Variants in GSG1 observed in about 807,000 individuals in gnomAD.
GSG1 encodes germ cell-specific gene 1 protein.
In GSG1, 28 loss-of-function variants were observed where a neutral mutation model predicts 30.8. That is an observed-to-expected ratio of 0.91 (90% CI 0.67 to 1.25). The LOEUF (loss-of-function observed/expected upper bound fraction) is 1.25, where lower values mean the gene tolerates loss of function less well. Among genes scored for constraint, GSG1 ranks in the 50% most tolerant of loss-of-function variants. The pLI is 0.00. For synonymous variants in GSG1, 162 were observed against 178.0 expected, an observed-to-expected ratio of 0.91 and a Z score of 0.71; for missense variants, 435 against 444.7, an observed-to-expected ratio of 0.98 and a Z score of 0.20.
intron 1 of GSG1, among the ~76,000 whole-genome samples, chr12:13,091,532 T>C (rs981724543): frequency 6.6e-6 from 1 of 152,158 alleles, no homozygotes; most frequent in African/African-American, 2.4e-5. Context: ...AGTGAGACCC[T>C]GTCTCTACGG....
chr12:13,091,178 T>C (rs1365914191), intron 1 of GSG1, among the ~76,000 whole-genome samples: 1 of 152,210 alleles, frequency 6.6e-6, no homozygotes, highest in Non-Finnish European at 1.5e-5. Flanking sequence ...CCAGAGTCCC[T>C]TTCCCCAGAG....
In GSG1 at chr12:13,090,808, G is replaced by A. The variant is rs770721036; in HGVS notation, c.59C>T (p.Ser20Leu). ...NVCLTQEMEL[S>L]KAFSGQRTLL... ...TGTCCGCTGGCCAGAGAAGGCCTTC[G>A]AGAGCTCCATCTGTAATAGACAAGC... Residue 20 changes from serine to leucine, a missense_variant, in exon 2 of 7, where the codon TCG becomes TTG. Physicochemically the swap from Ser to Leu is moderately radical, Grantham distance 145. Coordinates refer to ENST00000651961, the MANE Select transcript of GSG1 (RefSeq NM_001080555.4). The A allele has an allele frequency of 5.6e-6, 9 of 1,610,204 alleles. No individual in the cohort carries two copies. The African/African-American group carries it at 6.7e-5, about 12-fold the overall frequency.
At chr12:13,092,789 C>T (rs1040429538) in intron 1 of GSG1, among the ~76,000 whole-genome samples, 6 of 144,602 alleles carry the variant, frequency 4.1e-5, no homozygotes, top group South Asian at 2.2e-4. Flanking sequence ...TAAACTTTTT[C>T]TTTTTTTTTT....
Position 13,084,254 on chromosome 12 carries a change from T to C in GSG1, c.*647A>G, listed in dbSNP as rs1189054747. ...GAAGGGAACCACAGTCCAATCTGAATAGCCTTGGTGGGCTATTTCTAGAAG... is the reference window on the plus strand; with the variant it reads ...GAAGGGAACCACAGTCCAATCTGAACAGCCTTGGTGGGCTATTTCTAGAAG... On this transcript the variant is annotated 3_prime_UTR_variant, in exon 7 of 7. Transcript: ENST00000651961. The C allele has an allele frequency of 6.6e-6, 1 of 152,270 alleles. No homozygotes were observed. The highest frequency in any genetic ancestry group is 1.9e-4 in the East Asian group (1 of 5,198). 9.4% of individuals were successfully genotyped at this position (152,270 alleles called of 1,614,324 possible).
chr12:13,103,295 G>A (rs1207212664), intron 1 of GSG1, among the ~76,000 whole-genome samples, 170 bp downstream of exon 1: 1 of 152,200 alleles, frequency 6.6e-6, no homozygotes, highest in Non-Finnish European at 1.5e-5. Flanking sequence ...ACTGGGCTGA[G>A]TGACACATTT....
intron 1 of GSG1, 106 bp downstream of exon 1, chr12:13,103,359 A>G: frequency 1.2e-6 from 1 of 858,510 alleles, no homozygotes; most frequent in Non-Finnish European, 2.0e-6. Flanking sequence ...TACTGTGACC[A>G]TGTGAAATAC....
intron 6 of GSG1, among the ~76,000 whole-genome samples, chr12:13,085,856 C>T (rs1865469659): frequency 6.6e-6 from 1 of 152,138 alleles, no homozygotes; most frequent in Non-Finnish European, 1.5e-5. Flanking sequence ...GAATTTGCTT[C>T]ATATGGAAAC....
In GSG1 at chr12:13,084,924, A is replaced by G; in HGVS notation, c.1066T>C (p.Ser356Pro). 3 of 1,551,092 alleles carry G rather than the reference A, an allele frequency of 1.9e-6. No homozygotes were observed. The highest frequency in any genetic ancestry group is 2.6e-6 in the Non-Finnish European group (3 of 1,146,614). Reference protein sequence around the residue: ...SQELKEAVRSSVEEEQC With the variant: ...SQELKEAVRSPVEEEQC ...TCCTAACACTGCTCTTCCTCTACAG[A>G]TGACCTAACTGCTTCTTTCAGCTCC... Residue 356 changes from serine to proline, a missense_variant, in exon 7 of 7, where the codon TCT becomes CCT. Transcript: ENST00000651961.
rs549082256 is a variant in GSG1 at position 13,095,519 on chromosome 12, C to T, written c.49-4701G>A. ...TAGGAAGGACAACAGATCGATGAGG[C>T]AGGTGCACTTCTTAAAAGAGCCAGG... On this transcript the variant is annotated intron_variant, in intron 1 of 6. Coordinates refer to ENST00000651961, the MANE Select transcript of GSG1 (RefSeq NM_001080555.4). 1.5e-5 allele frequency: 19 copies of T among 1,282,692 alleles called. No homozygotes were observed. The East Asian group carries it at 4.4e-4, about 30-fold the overall frequency. The allele number at this position is 1,282,692 out of a possible 1,614,324, so 79.5% of individuals were successfully genotyped here. A position where few individuals can be genotyped will look rare whatever the true frequency, so the allele number is the denominator to read the frequency against.
Position 13,087,221 on chromosome 12 carries a change from A to C in GSG1, c.677T>G (p.Phe226Cys). 1 of 1,614,124 alleles carries C rather than the reference A, an allele frequency of 6.2e-7. No individual in the cohort carries two copies. Among genetic ancestry groups the C allele is most frequent in the Non-Finnish European group, 8.5e-7 (1 of 1,179,958 alleles). ...TGGACCCAAGTTGACAGTCGCTTGG[A>C]AGACTTGTGAATACATCATGTGGGC... ...MVAHMMYSQV[F>C]QATVNLGPED... The change falls in exon 6 of 7, where the codon TTC (phenylalanine) becomes TGC (cysteine). Residue 226 changes from phenylalanine (F) to cysteine (C), a missense_variant. By Grantham distance (205) the Phe-to-Cys change is radical (BLOSUM62 -2). Transcript: ENST00000651961.
rs751015690 is a variant in GSG1 at position 13,084,887 on chromosome 12, A to G, written c.*14T>C. 2.0e-6 allele frequency: 3 copies of G among 1,521,276 alleles called. No homozygotes were observed. Among genetic ancestry groups the G allele is most frequent in the East Asian group, 2.5e-5 (1 of 40,598 alleles). 94.2% of individuals were successfully genotyped at this position (1,521,276 alleles called of 1,614,324 possible). The stretch of plus-strand genomic sequence containing the variant: ...AGGTAGGGCTCAAGCCTACTCCCCA[A>G]ACCCGCTTAACTCCTAACACTGCTC... On this transcript the variant is annotated 3_prime_UTR_variant, in exon 7 of 7. Transcript: ENST00000651961.
chr12:13,086,320 C>T (rs975322733), intron 6 of GSG1, among the ~76,000 whole-genome samples: 3 of 152,118 alleles, frequency 2.0e-5, no homozygotes, highest in African/African-American at 7.2e-5. Context: ...GACTCAGACT[C>T]CCAAATTATT....
intron 1 of GSG1, among the ~76,000 whole-genome samples, chr12:13,091,255 A>G (rs1482488839): frequency 6.6e-6 from 1 of 152,198 alleles, no homozygotes; most frequent in Non-Finnish European, 1.5e-5. Context: ...AACTGGCCCT[A>G]AAGAGGTTAT....
intron 4 of GSG1, among the ~76,000 whole-genome samples, chr12:13,088,433 T>C (rs1449054432): frequency 6.6e-6 from 1 of 152,222 alleles, no homozygotes; most frequent in Non-Finnish European, 1.5e-5. Flanking sequence ...CTTCACTCTT[T>C]TCCTTTCATT....
At chr12:13,097,824 G>A (rs564527051) in intron 1 of GSG1, among the ~76,000 whole-genome samples, 8 of 152,226 alleles carry the variant, frequency 5.3e-5, no homozygotes, top group South Asian at 4.2e-4. Flanking sequence ...GCCCCCGGCC[G>A]TTCCTCCCCC....
chr12:13,090,513 C>T lies in GSG1; in HGVS notation c.354G>A (p.Val118=). 6.2e-7 allele frequency: 1 copy of T among 1,608,564 alleles called. No individual in the cohort carries two copies. Among genetic ancestry groups the T allele is most frequent in the Non-Finnish European group, 8.5e-7 (1 of 1,175,672 alleles). ...CAGAATGTAGGCTACCTGGTTCTTC[C>T]ACAGTTTCCTCACAGGATAGCCACA... ...SGMWLSCEET[V]EEPALLHPQS... Residue 118 remains valine (V), a synonymous_variant, in exon 2 of 7, where the codon GTG becomes GTA. Coordinates refer to ENST00000651961, the MANE Select transcript of GSG1 (RefSeq NM_001080555.4).
At position 13,084,843 on chromosome 12, in the gene GSG1, G is replaced by A. The variant is rs552299673; in HGVS notation, c.*58C>T. The A allele has an allele frequency of 3.5e-6, 4 of 1,138,538 alleles. No individual in the cohort carries two copies. In the African/African-American group the frequency reaches 6.2e-5, roughly 18 times the overall value. 70.5% of individuals were successfully genotyped at this position (1,138,538 alleles called of 1,614,324 possible). A position where few individuals can be genotyped will look rare whatever the true frequency, so the allele number is the denominator to read the frequency against. On this transcript the variant is annotated 3_prime_UTR_variant, in exon 7 of 7. Coordinates refer to ENST00000651961, the MANE Select transcript of GSG1 (RefSeq NM_001080555.4). ...ACGGATGTTGGCTTAAGCACATGTTGATAATCAGCAGACGTGTAAGGTAGG... is the reference window on the plus strand; with the variant it reads ...ACGGATGTTGGCTTAAGCACATGTTAATAATCAGCAGACGTGTAAGGTAGG...
chr12:13,101,319 G>A lies in GSG1; in HGVS notation c.48+2146C>T, dbSNP rs1863181017. ...ACGGCGCCCGGTCGCCTAGCAGCGGGGCGCGTTGCCGCGGCGACAGGCCGG... is the reference window on the plus strand; with the variant it reads ...ACGGCGCCCGGTCGCCTAGCAGCGGAGCGCGTTGCCGCGGCGACAGGCCGG... On this transcript the variant is annotated intron_variant, in intron 1 of 6. Transcript: ENST00000651961. The surrounding 1 kb of genome is among the most constrained non-coding windows in gnomAD (Gnocchi z 5.8). Among the ~76,000 whole-genome samples, 1 of 152,232 alleles carries A rather than the reference G, an allele frequency of 6.6e-6. No homozygotes were observed. Among genetic ancestry groups the A allele is most frequent in the Non-Finnish European group, 1.5e-5 (1 of 68,038 alleles).
chr12:13,100,240 C>A, intron 1 of GSG1, among the ~76,000 whole-genome samples: 1 of 152,282 alleles, frequency 6.6e-6, no homozygotes, highest in African/African-American at 2.4e-5. Flanking sequence ...AGAAGTGTGT[C>A]CAAACAGCCT....
Sources: allele counts gnomAD v4.1 joint callset (sites outside exome capture counted in the v4.1 genomes callset), GRCh38; gene constraint gnomAD v4.1.1; non-coding constraint Gnocchi (gnomAD v3.1); transcripts MANE v1.5; gene names NCBI Gene and HGNC (gene_info 2026-07-23, HGNC 2026-07-21).